GRIA1: variants seen among roughly 807,000 people sequenced by gnomAD.
GRIA1 encodes the protein glutamate receptor 1.
In GRIA1, 31 loss-of-function variants were observed where a neutral mutation model predicts 99.2. The ratio of observed to expected loss-of-function variants is 0.31; its 90% CI spans 0.23 to 0.42. The LOEUF is 0.42. GRIA1 is among the 10% of genes least tolerant of loss of function. The probability of loss-of-function intolerance (pLI) is 1.00; values close to 1 mark genes in which losing one functional copy is unlikely to be tolerated. For synonymous variants in GRIA1, 438 were observed against 432.4 expected, an observed-to-expected ratio of 1.01 and a Z score of -0.16; for missense variants, 782 against 1,157.5, an observed-to-expected ratio of 0.68 and a Z score of 4.71.
intron 8 of GRIA1, among the ~76,000 whole-genome samples, chr5:153,687,275 T>C (rs905981532): frequency 6.6e-6 from 1 of 152,166 alleles, no homozygotes; most frequent in Non-Finnish European, 1.5e-5. Context: ...GAATGCTGGC[T>C]CTGGAATCCT....
intron 2 of GRIA1, among the ~76,000 whole-genome samples, chr5:153,614,218 G>A (rs1766262799): frequency 6.6e-6 from 1 of 152,086 alleles, no homozygotes; most frequent in Admixed American, 6.6e-5. Flanking sequence ...GTATTTACTT[G>A]GGTATTTAGT....
At chr5:153,583,918 T>C (rs1364094646) in intron 2 of GRIA1, among the ~76,000 whole-genome samples, 1 of 152,170 alleles carries the variant, frequency 6.6e-6, no homozygotes, top group Non-Finnish European at 1.5e-5. Context: ...CTTTCTAATG[T>C]GCCAAGCTGC....
intron 8 of GRIA1, among the ~76,000 whole-genome samples, chr5:153,689,040 C>CT (rs1217930683): frequency 6.6e-6 from 1 of 151,276 alleles, no homozygotes; most frequent in African/African-American, 2.4e-5. Flanking sequence ...TTCTTTCTTT[C>CT]TTTTTTGAGG....
At chr5:153,708,745 C>T (rs1052958200) in intron 11 of GRIA1, among the ~76,000 whole-genome samples, 7 of 152,164 alleles carry the variant, frequency 4.6e-5, no homozygotes, top group African/African-American at 1.4e-4. Flanking sequence ...CTAGAGAAGT[C>T]CATTAACAAA....
chr5:153,796,848 G>C (rs1765678025), intron 14 of GRIA1, among the ~76,000 whole-genome samples: 1 of 143,332 alleles, frequency 7.0e-6, no homozygotes, highest in African/African-American at 2.6e-5. Context: ...AGCAGGGTAA[G>C]TCCATCCATT....
rs569034527 is a variant in GRIA1 at position 153,499,181 on chromosome 5, T to A, written c.220+5116T>A. On this transcript the variant is annotated intron_variant, in intron 2 of 15. Transcript: ENST00000285900. ...GTTTTATAACTGTCTTGAAAGGTGA[T>A]TATCCCCATTTCATTGATGATGGTA... Among the ~76,000 whole-genome samples, 16 of 152,310 alleles carry A rather than the reference T, an allele frequency of 1.1e-4. No individual in the cohort carries two copies. The South Asian group carries it at 3.3e-3, about 32-fold the overall frequency.
chr5:153,500,610 TACACAC>T (rs35636352), intron 2 of GRIA1, among the ~76,000 whole-genome samples: 2,252 of 120,122 alleles, frequency 0.019, 26 homozygotes, highest in East Asian at 0.1. Context: ...CCCTCTTACA[TACACAC>T]ACACACACAC....
intron 2 of GRIA1, among the ~76,000 whole-genome samples, chr5:153,570,960 A>C (rs1762061967): frequency 6.6e-6 from 1 of 152,128 alleles, no homozygotes; most frequent in Admixed American, 6.6e-5. Flanking sequence ...CTAATATCAA[A>C]AGTCCATTTG....
At chr5:153,751,149 A>C (rs1762486409) in intron 11 of GRIA1, among the ~76,000 whole-genome samples, 1 of 152,226 alleles carries the variant, frequency 6.6e-6, no homozygotes, top group African/African-American at 2.4e-5. Flanking sequence ...GATTTGCCCA[A>C]AGTCATACAA....
chr5:153,636,768 G>A (rs557887044), intron 2 of GRIA1, among the ~76,000 whole-genome samples: 1 of 152,294 alleles, frequency 6.6e-6, no homozygotes, highest in South Asian at 2.1e-4. Context: ...TATCAAATTA[G>A]CATTAAATGA....
chr5:153,522,684 A>G (rs1561608203), intron 2 of GRIA1, among the ~76,000 whole-genome samples: 1 of 152,140 alleles, frequency 6.6e-6, no homozygotes, highest in Non-Finnish European at 1.5e-5. Flanking sequence ...AATAAGCCAC[A>G]CCCTGGCTCT....
intron 2 of GRIA1, among the ~76,000 whole-genome samples, chr5:153,502,505 C>T (rs1332649408): frequency 1.3e-5 from 2 of 152,140 alleles, no homozygotes; most frequent in South Asian, 2.1e-4. Context: ...CATTTTAGCT[C>T]CCGCTGGACT....
At chr5:153,504,259 A>G (rs888513501) in intron 2 of GRIA1, among the ~76,000 whole-genome samples, 1 of 152,032 alleles carries the variant, frequency 6.6e-6, no homozygotes, top group Non-Finnish European at 1.5e-5. Flanking sequence ...AATTCCCTCA[A>G]AGGGAATCAG....
chr5:153,577,877 A>C (rs1762700149), intron 2 of GRIA1, among the ~76,000 whole-genome samples: 1 of 152,066 alleles, frequency 6.6e-6, no homozygotes, highest in South Asian at 2.1e-4. Context: ...TTCCCCAGGC[A>C]CAGTGGCTCG....
intron 10 of GRIA1, among the ~76,000 whole-genome samples, chr5:153,701,771 C>A (rs1269318328): frequency 6.6e-6 from 1 of 152,034 alleles, no homozygotes. Context: ...AACCACCAAC[C>A]ACCAGAGATC....
intron 14 of GRIA1, among the ~76,000 whole-genome samples, chr5:153,799,615 C>T (rs1292058290): frequency 6.6e-6 from 1 of 152,214 alleles, no homozygotes; most frequent in Non-Finnish European, 1.5e-5. Context: ...GGCCCAGGTT[C>T]TCCCTTGATT....
chr5:153,494,302 A>G (rs926418916), intron 2 of GRIA1: 3 of 514,636 alleles, frequency 5.8e-6, no homozygotes, highest in African/African-American at 1.9e-5. Context: ...CTTTAATGCC[A>G]GCACGATGGG....
chr5:153,722,001 C>T (rs1340020017), intron 11 of GRIA1, among the ~76,000 whole-genome samples: 2 of 152,118 alleles, frequency 1.3e-5, no homozygotes, highest in Non-Finnish European at 2.9e-5. Flanking sequence ...TCCACATTTG[C>T]CCTTTTCCTT....
At chr5:153,623,172 C>T (rs552276133) in intron 2 of GRIA1, among the ~76,000 whole-genome samples, 1 of 152,126 alleles carries the variant, frequency 6.6e-6, no homozygotes, top group African/African-American at 2.4e-5. Flanking sequence ...TTAATAATGG[C>T]TTCCAAGAAT....
Sources: gnomAD v4.1 joint callset for allele counts (sites outside exome capture counted in the v4.1 genomes callset) on GRCh38, gnomAD v4.1.1 for gene constraint, MANE v1.5 for transcripts, NCBI Gene and HGNC (gene_info 2026-07-23, HGNC 2026-07-21) for gene names.